The following GTF2I variants were observed in gnomAD, a reference collection of about 807,000 sequenced individuals.
GTF2I encodes general transcription factor II-I.
A neutral mutation model predicts 67.6 loss-of-function variants in GTF2I; 12 were observed. The observed-to-expected ratio is 0.18, with a 90% CI of 0.11 to 0.29. The LOEUF (loss-of-function observed/expected upper bound fraction) is 0.29, where lower values mean the gene tolerates loss of function less well. GTF2I is among the 10% of genes least tolerant of loss of function. The pLI, the probability that GTF2I is intolerant of heterozygous loss-of-function variation, is 1.00. For synonymous variants in GTF2I, 149 were observed against 197.0 expected (o/e 0.76, Z 2.04); for missense variants, 271 against 580.1 (o/e 0.47, Z 5.47).
At chr7:74,683,952 T>C (rs1440924101) in intron 1 of GTF2I, among the ~76,000 whole-genome samples, 1 of 152,176 alleles carries the variant, frequency 6.6e-6, no homozygotes, top group Non-Finnish European at 1.5e-5. Context: ...ATTTTTTTTT[T>C]CTTCCACGGC....
At chr7:74,704,268 T>TTTTATTTATTTATTTA (rs55926323) in intron 6 of GTF2I, among the ~76,000 whole-genome samples, 5,361 of 144,302 alleles carry the variant, frequency 0.037, 110 homozygotes, top group Middle Eastern at 0.058. Flanking sequence ...TAATTATTAT[T>TTTTATTTATTTATTTA]TTTATTTATT....
At chr7:74,708,742 G>A (rs1336313336) in intron 8 of GTF2I, among the ~76,000 whole-genome samples, 1 of 152,170 alleles carries the variant, frequency 6.6e-6, no homozygotes, top group Non-Finnish European at 1.5e-5. Flanking sequence ...GAAACCCAGA[G>A]GATGGGTTTG....
At chr7:74,712,241 T>G (rs1791644298) in intron 9 of GTF2I, among the ~76,000 whole-genome samples, 1 of 152,118 alleles carries the variant, frequency 6.6e-6, no homozygotes, top group African/African-American at 2.4e-5. Context: ...GCTAACACGC[T>G]TTTTTAAAAT....
chr7:74,719,575 A>G (rs1050778121), intron 12 of GTF2I, among the ~76,000 whole-genome samples: 3 of 152,250 alleles, frequency 2.0e-5, no homozygotes, highest in African/African-American at 7.2e-5. Flanking sequence ...ATTATTAACT[A>G]TCACTTCATA....
intron 1 of GTF2I, among the ~76,000 whole-genome samples, chr7:74,668,397 G>A (rs1554389429): frequency 2.0e-5 from 3 of 151,352 alleles, no homozygotes; most frequent in South Asian, 2.1e-4. Context: ...TGTACTTGGA[G>A]AAGTGGAGCA....
intron 8 of GTF2I, among the ~76,000 whole-genome samples, chr7:74,710,280 G>T (rs1791365264): frequency 6.6e-6 from 1 of 152,154 alleles, no homozygotes; most frequent in Admixed American, 6.5e-5. Context: ...GACTGTGGTT[G>T]AATATCTCAG....
chr7:74,723,638 C>T lies in GTF2I; in HGVS notation c.943+4697C>T, dbSNP rs192326401. ...ACAGACAGGGGTTTCACCATGTTGG[C>T]CAGGCTGGTCTTGAACTCCTTACCT... On this transcript the variant is annotated intron_variant, in intron 12 of 34. Transcript: ENST00000573035. Among the ~76,000 whole-genome samples, 7 of 151,580 alleles carry T rather than the reference C, an allele frequency of 4.6e-5. No homozygotes were observed. In the East Asian group the frequency reaches 1.2e-3, roughly 25 times the overall value.
intron 12 of GTF2I, chr7:74,722,751 C>T (rs887889180): frequency 1.3e-5 from 2 of 152,204 alleles, no homozygotes; most frequent in East Asian, 1.9e-4. Flanking sequence ...ACACGTGGCA[C>T]ACTTACTGCA....
At chr7:74,695,996 ATT>A (rs782499083) in intron 3 of GTF2I, among the ~76,000 whole-genome samples, 6 of 144,144 alleles carry the variant, frequency 4.2e-5, no homozygotes, top group Non-Finnish European at 4.6e-5. Context: ...ATTGCTAATA[ATT>A]TTTTTTTTTT....
At chr7:74,701,279 G>A (rs1338070654) in intron 6 of GTF2I, among the ~76,000 whole-genome samples, 4 of 151,982 alleles carry the variant, frequency 2.6e-5, no homozygotes, top group African/African-American at 4.8e-5. Context: ...TGAGACTTTC[G>A]GAAGTAAATA....
intron 12 of GTF2I, chr7:74,727,150 C>A (rs1554405874): frequency 6.6e-6 from 1 of 152,174 alleles, no homozygotes; most frequent in African/African-American, 2.4e-5. Flanking sequence ...ATGAATTTGT[C>A]TGATGTTGGT....
intron 12 of GTF2I, among the ~76,000 whole-genome samples, chr7:74,721,609 TAAAA>T (rs1268147808): frequency 6.6e-6 from 1 of 151,908 alleles, no homozygotes; most frequent in Non-Finnish European, 1.5e-5. Context: ...TTTAAGAAGA[TAAAA>T]AACTGTCTCA....
rs1163590521 is a variant in GTF2I at position 74,691,780 on chromosome 7, C to CT, written c.238+681dup. On this transcript the variant is annotated intron_variant, in intron 3 of 34. Transcript: ENST00000573035. ...TCAGATAAGGAGTTATTTTCTTTTT[C>CT]TTTTTTTTTTTTGAGACAGAGTTTC... Among the ~76,000 whole-genome samples, 837 of 143,656 alleles carry CT rather than the reference C, an allele frequency of 5.8e-3. 6 individuals are homozygous for CT. Among genetic ancestry groups the CT allele is most frequent in the Middle Eastern group, 0.018 (5 of 274 alleles). The allele number at this position is 143,656 out of a possible 152,430, so 94.2% of individuals were successfully genotyped here. A position where few individuals can be genotyped will look rare whatever the true frequency, so the allele number is the denominator to read the frequency against.
At chr7:74,678,592 C>T (rs1156902574) in intron 1 of GTF2I, among the ~76,000 whole-genome samples, 2 of 152,006 alleles carry the variant, frequency 1.3e-5, no homozygotes, top group African/African-American at 4.8e-5. Context: ...ATTTCACCTT[C>T]GTTGAGACTG....
At chr7:74,712,675 G>A (rs587652051) in intron 9 of GTF2I, among the ~76,000 whole-genome samples, 1 of 143,068 alleles carries the variant, frequency 7.0e-6, no homozygotes, top group African/African-American at 2.7e-5. Context: ...TTTTTGGCGT[G>A]GGGGTGGGGA....
chr7:74,725,870 G>A (rs1793713331), intron 12 of GTF2I, among the ~76,000 whole-genome samples: 1 of 148,268 alleles, frequency 6.7e-6, no homozygotes, highest in Non-Finnish European at 1.5e-5. Context: ...GTTTATGATC[G>A]ATTGGGTTAC....
chr7:74,680,001 C>T (rs1480525609), intron 1 of GTF2I, among the ~76,000 whole-genome samples: 1 of 143,706 alleles, frequency 7.0e-6, no homozygotes, highest in Admixed American at 7.4e-5. Flanking sequence ...ATCGCTTGAA[C>T]CCGGGAGGCA....
chr7:74,726,817 G>A (rs1793837709), intron 12 of GTF2I: 1 of 151,078 alleles, frequency 6.6e-6, no homozygotes, highest in Non-Finnish European at 1.5e-5. Flanking sequence ...CTGGGCGATA[G>A]AATGAGACCC....
intron 8 of GTF2I, among the ~76,000 whole-genome samples, chr7:74,707,039 G>A (rs995874764): frequency 1.2e-4 from 18 of 152,062 alleles, no homozygotes; most frequent in African/African-American, 4.1e-4. Flanking sequence ...TAGTAGCGAC[G>A]GGGTTTCGCC....
Sources: allele counts gnomAD v4.1 joint callset (sites outside exome capture counted in the v4.1 genomes callset), GRCh38; gene constraint gnomAD v4.1.1; transcripts MANE v1.5; gene names NCBI Gene and HGNC (gene_info 2026-07-23, HGNC 2026-07-21).